The following PPP6R3 variants were observed in gnomAD, a reference collection of about 807,000 sequenced individuals.
PPP6R3 encodes serine/threonine-protein phosphatase 6 regulatory subunit 3.
PPP6R3 carries 38 observed loss-of-function variants against 110.7 expected under a neutral mutation model. The observed-to-expected ratio is 0.34, with a 90% CI of 0.26 to 0.45. PPP6R3 has a LOEUF of 0.45. PPP6R3 is among the 20% of genes least tolerant of loss of function. The probability of loss-of-function intolerance (pLI) is 1.00; values close to 1 mark genes in which losing one functional copy is unlikely to be tolerated. For missense variants in PPP6R3, 870 were observed against 1,062.4 expected (o/e 0.82, Z 2.52); for synonymous variants, 369 against 373.5 (o/e 0.99, Z 0.14).
rs148701469 is a variant in PPP6R3 at position 68,494,071 on chromosome 11, C to T, written c.-157-25430C>T. 2.6e-3 allele frequency among the ~76,000 whole-genome samples: 383 copies of T among 148,770 alleles called. 4 individuals carry two copies. Among genetic ancestry groups the T allele is most frequent in the African/African-American group, 8.3e-3 (334 of 40,362 alleles). ...TGGGCCGAGATTGCGCCACTGTACT[C>T]CAGCCTGGGCAGCTGAGCGAGACTC... On this transcript the variant is annotated intron_variant, in intron 1 of 23. Coordinates refer to ENST00000393800, the MANE Select transcript of PPP6R3 (RefSeq NM_001164161.2).
intron 1 of PPP6R3, among the ~76,000 whole-genome samples, chr11:68,499,956 C>T (rs1035350535): frequency 1.3e-5 from 2 of 152,150 alleles, no homozygotes; most frequent in Non-Finnish European, 2.9e-5. Flanking sequence ...TCGTGAATAT[C>T]TTTACCTATT....
chr11:68,606,730 T>C (rs142502841), intron 22 of PPP6R3, among the ~76,000 whole-genome samples: 3 of 152,298 alleles, frequency 2.0e-5, no homozygotes, highest in Admixed American at 1.3e-4. Flanking sequence ...CCTTAAAGGA[T>C]GTCCATTTTC....
chr11:68,479,984 G>A (rs2098892283), intron 1 of PPP6R3, among the ~76,000 whole-genome samples: 1 of 151,650 alleles, frequency 6.6e-6, no homozygotes, highest in Non-Finnish European at 1.5e-5. Context: ...ATCCTGCCTT[G>A]CCCTCCCAAA....
At chr11:68,566,701 T>TA (rs968191253) in intron 9 of PPP6R3, among the ~76,000 whole-genome samples, 1 of 152,172 alleles carries the variant, frequency 6.6e-6, no homozygotes, top group African/African-American at 2.4e-5. Flanking sequence ...GATTTTGAAA[T>TA]ATTGTACTTT....
chr11:68,600,419 T>G lies in PPP6R3; in HGVS notation c.2117T>G (p.Val706Gly). 1 of 1,614,130 alleles carries G rather than the reference T, an allele frequency of 6.2e-7. No homozygotes were observed. The change falls in exon 20 of 24, where the codon GTC becomes GGC. Residue 706 changes from valine (V) to glycine (G), a missense_variant. Physicochemically the swap from Val to Gly is moderately radical, Grantham distance 109. Transcript: ENST00000393800. ...CCATTGGATTCTGTGGGATCTGATG[T>G]CTGGAGCACAGAGGAGCCGATGCCA... Reference protein sequence around the residue: ...GAPLDSVGSDVWSTEEPMPTK... With the variant: ...GAPLDSVGSDGWSTEEPMPTK...
At chr11:68,536,191 T>G (rs1012519865) in intron 2 of PPP6R3, among the ~76,000 whole-genome samples, 1 of 152,158 alleles carries the variant, frequency 6.6e-6, no homozygotes, top group African/African-American at 2.4e-5. Flanking sequence ...AAAACATTTT[T>G]TTTTTGAGGC....
intron 23 of PPP6R3, chr11:68,612,823 G>T: frequency 1.5e-6 from 1 of 673,456 alleles, no homozygotes; most frequent in Non-Finnish European, 2.3e-6. Flanking sequence ...TTCTCCCAGA[G>T]CATTTGCTCT....
intron 1 of PPP6R3, among the ~76,000 whole-genome samples, chr11:68,461,478 G>A (rs2098706923): frequency 9.3e-6 from 1 of 107,050 alleles, no homozygotes; most frequent in Non-Finnish European, 1.8e-5. Context: ...CCTCCCTGGT[G>A]TATTTGAGCC....
At chr11:68,589,712 C>T (rs907133701) in intron 16 of PPP6R3, among the ~76,000 whole-genome samples, 1 of 152,196 alleles carries the variant, frequency 6.6e-6, no homozygotes, top group Non-Finnish European at 1.5e-5. Context: ...ATTTGTTGAA[C>T]CACAGCCAGT....
chr11:68,487,715 T>C (rs1303949838), intron 1 of PPP6R3, among the ~76,000 whole-genome samples: 1 of 152,232 alleles, frequency 6.6e-6, no homozygotes, highest in East Asian at 1.9e-4. Flanking sequence ...TTTCTGTTAT[T>C]GATTTCTAGT....
At chr11:68,499,298 G>A (rs189869187) in intron 1 of PPP6R3, among the ~76,000 whole-genome samples, 4 of 152,200 alleles carry the variant, frequency 2.6e-5, no homozygotes, top group East Asian at 3.9e-4. Context: ...TCATGGATCC[G>A]CTGGAGGATC....
intron 6 of PPP6R3, among the ~76,000 whole-genome samples, chr11:68,552,336 CCTCT>C (rs1338154708): frequency 6.6e-6 from 1 of 152,162 alleles, no homozygotes; most frequent in Non-Finnish European, 1.5e-5. Context: ...AATGGAGGCT[CCTCT>C]CTCTCACAGA....
chr11:68,514,781 C>T (rs576826504), intron 1 of PPP6R3, among the ~76,000 whole-genome samples: 5 of 152,116 alleles, frequency 3.3e-5, no homozygotes, highest in African/African-American at 1.2e-4. Flanking sequence ...GACGGGGTTT[C>T]GCCATGTTGG....
chr11:68,613,855 G>GAA lies in PPP6R3; in HGVS notation c.*740_*741dup. ...GCTTGAAATGATTATTCCTACAAGT[G>GAA]AAACACTAGACTATTTGGAGTGTAT... On this transcript the variant is annotated 3_prime_UTR_variant, in exon 24 of 24. Transcript: ENST00000393800. 1.0e-6 allele frequency: 1 copy of GAA among 983,912 alleles called. No individual in the cohort carries two copies. The allele number at this position is 983,912 out of a possible 1,614,324, so 60.9% of individuals were successfully genotyped here. A position where few individuals can be genotyped will look rare whatever the true frequency, so the allele number is the denominator to read the frequency against.
intron 1 of PPP6R3, among the ~76,000 whole-genome samples, chr11:68,482,994 A>G (rs1022968950): frequency 1.3e-5 from 2 of 152,104 alleles, no homozygotes; most frequent in South Asian, 2.1e-4. Flanking sequence ...TCCCATATCA[A>G]GGGTCTTTAG....
chr11:68,568,772 A>ATT (rs879311640), intron 10 of PPP6R3, among the ~76,000 whole-genome samples: 13 of 144,010 alleles, frequency 9.0e-5, no homozygotes, highest in African/African-American at 1.0e-4. Context: ...AATTCTTACA[A>ATT]TTTTTTTTTT....
At chr11:68,493,148 T>C (rs190972110) in intron 1 of PPP6R3, among the ~76,000 whole-genome samples, 2 of 152,330 alleles carry the variant, frequency 1.3e-5, no homozygotes, top group African/African-American at 4.8e-5. Context: ...GTTATGACCC[T>C]GGATATGTAG....
intron 1 of PPP6R3, among the ~76,000 whole-genome samples, chr11:68,479,747 CT>C (rs374352651): frequency 6.6e-6 from 1 of 150,646 alleles, no homozygotes; most frequent in Non-Finnish European, 1.5e-5. Context: ...TGGTTTCTTT[CT>C]TTTTTTTTGA....
chr11:68,601,891 C>G lies in PPP6R3; in HGVS notation c.2221C>G (p.Pro741Ala). The G allele has an allele frequency of 6.2e-7, 1 of 1,613,412 alleles. No homozygotes were observed. ...STKDSLRSNS[P>A]VEMETSTEPM... ...AAAAGATTCTTTAAGGAGTAATTCT[C>G]CAGTGGAAATGGAAACCAGCACTGA... The change falls in exon 21 of 24, where the codon CCA becomes GCA. Residue 741 changes from proline (P) to alanine (A), a missense_variant. Coordinates refer to ENST00000393800, the MANE Select transcript of PPP6R3 (RefSeq NM_001164161.2).
Sources: allele counts gnomAD v4.1 joint callset (sites outside exome capture counted in the v4.1 genomes callset), GRCh38; gene constraint gnomAD v4.1.1; transcripts MANE v1.5; gene names NCBI Gene and HGNC (gene_info 2026-07-23, HGNC 2026-07-21).